Variants in PRKAR1B observed in about 807,000 individuals in gnomAD.
The protein encoded by PRKAR1B is protein kinase cAMP-dependent type I regulatory subunit beta.
PRKAR1B carries 22 observed loss-of-function variants against 46.5 expected under a neutral mutation model. The ratio of observed to expected loss-of-function variants is 0.47; its 90% CI spans 0.34 to 0.68. The LOEUF (loss-of-function observed/expected upper bound fraction) is 0.68, where lower values mean the gene tolerates loss of function less well. Ranked by LOEUF, PRKAR1B falls within the 30% of genes least tolerant of loss-of-function variation. PRKAR1B has a pLI of 0.01. For synonymous variants in PRKAR1B, 259 were observed against 217.7 expected (o/e 1.19, Z -1.67); for missense variants, 445 against 535.6 (o/e 0.83, Z 1.67).
rs142721625 is a variant in PRKAR1B at position 558,681 on chromosome 7, G to A, written c.892-7211C>T. On this transcript the variant is annotated intron_variant, in intron 9 of 10. Coordinates refer to ENST00000537384, the MANE Select transcript of PRKAR1B (RefSeq NM_001164760.2). ...GGCAGGAGGATTGAATGAACCGAGA[G>A]GGGGAGGTTGCAGTGAGCCGAGATT... 5.1e-3 allele frequency among the ~76,000 whole-genome samples: 783 copies of A among 152,204 alleles called. 5 individuals carry two copies. The highest frequency in any genetic ancestry group is 0.018 in the African/African-American group (728 of 41,544).
At chr7:680,806 C>T in intron 2 of PRKAR1B, 80 bp from the exon 3 acceptor site, 2 of 1,531,366 alleles carry the variant, frequency 1.3e-6, no homozygotes, top group Non-Finnish European at 1.8e-6. Context: ...CCTGTGATCC[C>T]AGCACTGTGG....
At chr7:573,295 G>T (rs1779630248) in intron 9 of PRKAR1B, among the ~76,000 whole-genome samples, 1 of 152,166 alleles carries the variant, frequency 6.6e-6, no homozygotes, top group Non-Finnish European at 1.5e-5. Flanking sequence ...GACGTGCAAG[G>T]CGCTGTTTTA....
At chr7:677,583 C>T (rs1267067276) in intron 3 of PRKAR1B, among the ~76,000 whole-genome samples, 1 of 152,176 alleles carries the variant, frequency 6.6e-6, no homozygotes, top group African/African-American at 2.4e-5. Context: ...TGCACCACCA[C>T]ACTTGGCTAA....
chr7:642,491 C>T (rs1389523373), intron 4 of PRKAR1B, among the ~76,000 whole-genome samples: 1 of 152,050 alleles, frequency 6.6e-6, no homozygotes, highest in Non-Finnish European at 1.5e-5. Context: ...TTTGGGGGGC[C>T]GAGGCGGGCG....
At chr7:673,045 T>TAAAAAAAAAAAAAA (rs992683667) in intron 4 of PRKAR1B, among the ~76,000 whole-genome samples, 1 of 26,550 alleles carries the variant, frequency 3.8e-5, no homozygotes, top group Non-Finnish European at 6.2e-5. Context: ...GCCTTGTCTT[T>TAAAAAAAAAAAAAA]AAAAAAAAAA....
intron 4 of PRKAR1B, among the ~76,000 whole-genome samples, chr7:663,095 GT>G (rs1356906222): frequency 6.6e-6 from 1 of 152,150 alleles, no homozygotes; most frequent in East Asian, 1.9e-4. Context: ...TGTGGCTGAA[GT>G]TTCACTAGGT....
At chr7:571,757 G>A (rs1472502865) in intron 9 of PRKAR1B, among the ~76,000 whole-genome samples, 2 of 152,178 alleles carry the variant, frequency 1.3e-5, no homozygotes, top group Non-Finnish European at 2.9e-5. Flanking sequence ...ATGGAGGAAT[G>A]TGCGCAGGGA....
intron 9 of PRKAR1B, among the ~76,000 whole-genome samples, chr7:572,873 G>A (rs142052423): frequency 3.2e-4 from 48 of 152,354 alleles, no homozygotes; most frequent in African/African-American, 1.1e-3. Context: ...AACTGCTGGA[G>A]GAAGAATGAC....
chr7:639,032 C>T (rs756797858), intron 4 of PRKAR1B, among the ~76,000 whole-genome samples: 15 of 152,110 alleles, frequency 9.9e-5, no homozygotes, highest in Non-Finnish European at 1.5e-4. Flanking sequence ...GAGCCAAAAT[C>T]GCGCCACTGT....
At chr7:604,382 C>G (rs150563862) in intron 6 of PRKAR1B, among the ~76,000 whole-genome samples, 1 of 152,236 alleles carries the variant, frequency 6.6e-6, no homozygotes, top group Non-Finnish European at 1.5e-5. Flanking sequence ...GGGCAGTACC[C>G]GGGACCTTTG....
intron 4 of PRKAR1B, among the ~76,000 whole-genome samples, chr7:624,817 A>T (rs1179851080): frequency 6.6e-6 from 1 of 152,252 alleles, no homozygotes; most frequent in Non-Finnish European, 1.5e-5. Flanking sequence ...CAGCAGGCAG[A>T]AAATCAGTAA....
At chr7:686,055 C>G (rs1482335607) in intron 2 of PRKAR1B, among the ~76,000 whole-genome samples, 2 of 152,148 alleles carry the variant, frequency 1.3e-5, no homozygotes, top group Non-Finnish European at 2.9e-5. Flanking sequence ...AATCCCAGCA[C>G]TTTGGGAGGC....
chr7:583,074 G>A (rs145228145), intron 8 of PRKAR1B, among the ~76,000 whole-genome samples: 3 of 152,010 alleles, frequency 2.0e-5, no homozygotes, highest in African/African-American at 4.8e-5. Flanking sequence ...GGCAGGGGGG[G>A]TGACGGCTCA....
chr7:605,155 A>G (rs2128463180), intron 6 of PRKAR1B, among the ~76,000 whole-genome samples: 1 of 152,380 alleles, frequency 6.6e-6, no homozygotes, highest in South Asian at 2.1e-4. Flanking sequence ...CCGGCAGAGC[A>G]GGGGACACAC....
chr7:643,556 C>T (rs1466152015), intron 4 of PRKAR1B, among the ~76,000 whole-genome samples: 2 of 151,436 alleles, frequency 1.3e-5, no homozygotes, highest in Non-Finnish European at 2.9e-5. Context: ...AACCCAGTCT[C>T]TAATAAAAAT....
intron 2 of PRKAR1B, among the ~76,000 whole-genome samples, chr7:684,725 T>C (rs1778908130): frequency 6.6e-6 from 1 of 152,208 alleles, no homozygotes; most frequent in African/African-American, 2.4e-5. Flanking sequence ...CTGTGGCTGC[T>C]CCTTCTCTTC....
chr7:582,235 T>A (rs9286354), intron 8 of PRKAR1B, among the ~76,000 whole-genome samples: 63,815 of 152,190 alleles, frequency 0.42, 14,048 homozygotes, highest in African/African-American at 0.49. Flanking sequence ...CCATGCTGAT[T>A]CTACGGGGTC....
At chr7:600,131 T>G (rs1781508243) in intron 6 of PRKAR1B, among the ~76,000 whole-genome samples, 1 of 152,226 alleles carries the variant, frequency 6.6e-6, no homozygotes, top group African/African-American at 2.4e-5. Context: ...TGGTGACGGT[T>G]GTAAAACAAC....
intron 8 of PRKAR1B, among the ~76,000 whole-genome samples, chr7:582,587 G>A (rs1406105086): frequency 6.6e-6 from 1 of 152,278 alleles, no homozygotes; most frequent in South Asian, 2.1e-4. Flanking sequence ...CGGCCAGGGC[G>A]TGCGACGGCC....
Sources: allele counts gnomAD v4.1 joint callset (sites outside exome capture counted in the v4.1 genomes callset), GRCh38; gene constraint gnomAD v4.1.1; transcripts MANE v1.5; gene names NCBI Gene and HGNC (gene_info 2026-07-23, HGNC 2026-07-21).